The following SOS2 variants were observed in gnomAD, a reference collection of about 807,000 sequenced individuals.
The protein encoded by SOS2 is son of sevenless homolog 2.
In SOS2, 65 loss-of-function variants were observed where a neutral mutation model predicts 148.2. The ratio of observed to expected loss-of-function variants is 0.44; its 90% CI spans 0.36 to 0.54. The LOEUF (loss-of-function observed/expected upper bound fraction) is 0.54. Among genes scored for constraint, SOS2 ranks in the 20% least tolerant of loss-of-function variants. SOS2 has a pLI of 0.00. For synonymous variants in SOS2, 539 were observed against 537.1 expected (o/e 1.00, Z -0.05); for missense variants, 1,341 against 1,590.2 (o/e 0.84, Z 2.67).
At chr14:50,146,544 G>A (rs190719377) in intron 14 of SOS2, among the ~76,000 whole-genome samples, 2 of 152,266 alleles carry the variant, frequency 1.3e-5, no homozygotes, top group African/African-American at 2.4e-5. Flanking sequence ...TACTTGGGAG[G>A]CTGAGGCAGG....
At chr14:50,148,384 T>G (rs1338301066) in intron 14 of SOS2, among the ~76,000 whole-genome samples, 1 of 140,316 alleles carries the variant, frequency 7.1e-6, no homozygotes, top group Admixed American at 7.8e-5. Context: ...CACTCCAGCC[T>G]GGGTGACAGA....
chr14:50,177,143 C>T (rs1885548245), intron 7 of SOS2, among the ~76,000 whole-genome samples: 1 of 151,988 alleles, frequency 6.6e-6, no homozygotes, highest in Non-Finnish European at 1.5e-5. Context: ...TATGGTGAAA[C>T]TCTGTCTCTA....
At chr14:50,223,838 G>A (rs111258676) in intron 1 of SOS2, among the ~76,000 whole-genome samples, 4 of 152,186 alleles carry the variant, frequency 2.6e-5, no homozygotes, top group African/African-American at 9.6e-5. Context: ...GGGTGACAGA[G>A]TGCGACCCTG....
intron 5 of SOS2, 65 bp from the exon 6 acceptor site, chr14:50,182,671 A>G: frequency 7.6e-7 from 1 of 1,319,172 alleles, no homozygotes; most frequent in South Asian, 1.2e-5. Context: ...ATTACTAAAT[A>G]TAAAGAGCAA....
chr14:50,169,934 A>T (rs982434333), intron 8 of SOS2, among the ~76,000 whole-genome samples: 1 of 151,664 alleles, frequency 6.6e-6, no homozygotes, highest in Non-Finnish European at 1.5e-5. Flanking sequence ...TTATTTATTA[A>T]TTTACTTTTA....
chr14:50,182,531 T>C lies in SOS2; in HGVS notation c.790A>G (p.Thr264Ala). ...TVKLLGLIED[T>A]VEMTDESSPH... is the part of the protein sequence containing the mutation. ...CTGCTTTCATCAGTCATTTCAACTGTGTCTTCAATCAAACCTAAAAGTTTC... is the reference window on the plus strand; with the variant it reads ...CTGCTTTCATCAGTCATTTCAACTGCGTCTTCAATCAAACCTAAAAGTTTC... The change falls in exon 6 of 23, where the codon ACA becomes GCA. Residue 264 changes from threonine (T) to alanine (A), a missense_variant. By Grantham distance (58) the Thr-to-Ala change is moderately conservative. Transcript: ENST00000216373. 1.2e-6 allele frequency: 2 copies of C among 1,612,958 alleles called. No individual in the cohort carries two copies. Among genetic ancestry groups the C allele is most frequent in the Middle Eastern group, 1.7e-4 (1 of 6,060 alleles).
At chr14:50,180,725 A>G (rs1459384068) in intron 6 of SOS2, 43 bp from the exon 7 acceptor site, 10 of 1,117,578 alleles carry the variant, frequency 8.9e-6, no homozygotes, top group Admixed American at 2.1e-5. Context: ...TTAAAAGAAT[A>G]TATTTTCTAC....
rs1013557307 is a variant in SOS2 at position 50,145,095 on chromosome 14, G to A, written c.2667+75C>T. ...TACAAAGAATTTAATTAAAAAGACA[G>A]ATGATAGATGAAATTTCTTTTATGC... On this transcript the variant is annotated intron_variant, in intron 16 of 22. Transcript: ENST00000216373. 36 of 738,580 alleles carry A rather than the reference G, an allele frequency of 4.9e-5. 1 individual carries two copies. In the Admixed American group the frequency reaches 9.2e-4, roughly 19 times the overall value. The allele number at this position is 738,580 out of a possible 1,614,324, so 45.8% of individuals were successfully genotyped here.
intron 19 of SOS2, among the ~76,000 whole-genome samples, chr14:50,132,847 C>A (rs955262463): frequency 6.6e-6 from 1 of 152,122 alleles, no homozygotes; most frequent in Admixed American, 6.5e-5. Context: ...CCAAGGAGAC[C>A]TTCTCCACCA....
Position 50,215,564 on chromosome 14 carries a change from G to GT in SOS2, c.88-11156dup, listed in dbSNP as rs1421447002. 3.4e-6 allele frequency: 3 copies of GT among 890,900 alleles called. No individual in the cohort carries two copies. The Admixed American group carries it at 1.3e-4, about 38-fold the overall frequency. 55.2% of individuals were successfully genotyped at this position (890,900 alleles called of 1,614,324 possible). ...AACAGTAGATTAACAAGTCAGACCTGTATTTTAGTTACACCATATTTTCAA... is the reference window on the plus strand; with the variant it reads ...AACAGTAGATTAACAAGTCAGACCTGTTATTTTAGTTACACCATATTTTCAA... On this transcript the variant is annotated intron_variant, in intron 1 of 22. Transcript: ENST00000216373.
intron 1 of SOS2, among the ~76,000 whole-genome samples, chr14:50,217,598 T>A (rs1432275400): frequency 2.0e-5 from 3 of 152,008 alleles, no homozygotes; most frequent in African/African-American, 7.2e-5. Context: ...TAACCCTGGG[T>A]TAGGCAAAGA....
At chr14:50,158,794 G>A (rs1265641733) in intron 10 of SOS2, 148 bp from the exon 11 acceptor site, 1 of 603,048 alleles carries the variant, frequency 1.7e-6, no homozygotes, top group Non-Finnish European at 3.0e-6. Context: ...GGTACTGGCA[G>A]GATACCATGG....
chr14:50,213,103 A>G (rs566052656), intron 1 of SOS2, among the ~76,000 whole-genome samples: 62 of 152,350 alleles, frequency 4.1e-4, no homozygotes, highest in African/African-American at 1.4e-3. Context: ...ATAGAGAAGA[A>G]AGGTCAAAGG....
At chr14:50,195,458 T>C (rs1439864597) in intron 4 of SOS2, among the ~76,000 whole-genome samples, 1 of 152,062 alleles carries the variant, frequency 6.6e-6, no homozygotes, top group Non-Finnish European at 1.5e-5. Context: ...AAGGAATGAC[T>C]TATTAAAAAA....
At position 50,188,611 on chromosome 14, in the gene SOS2, A is replaced by G. The variant is rs766470992; in HGVS notation, c.600T>C (p.Tyr200=). ...EPSSSGELNY[Y]DLVRTEIAEE... Reference sequence around the variant, plus strand: ...CTGCGATTTCAGTTCTGACAAGATCATAGTAGTTTAATTCACCAGAAGAAC... The same window carrying G: ...CTGCGATTTCAGTTCTGACAAGATCGTAGTAGTTTAATTCACCAGAAGAAC... The change falls in exon 5 of 23, where the codon TAT becomes TAC. Residue 200 remains tyrosine (Y), a synonymous_variant. Transcript: ENST00000216373. 6.8e-6 allele frequency: 11 copies of G among 1,609,906 alleles called. No homozygotes were observed. The highest frequency in any genetic ancestry group is 4.4e-5 in the South Asian group (4 of 90,732).
rs563901474 is a variant in SOS2 at position 50,229,626 on chromosome 14, T to C, written c.87+1571A>G. 9.2e-5 allele frequency among the ~76,000 whole-genome samples: 14 copies of C among 152,126 alleles called. No homozygotes were observed. The South Asian group carries it at 1.9e-3, about 20-fold the overall frequency. ...AAGTTCAAGACCAGCCTGGGCAACA[T>C]AGCATAACCCTGTCTCTATTTGAAG... is the stretch of plus-strand genomic sequence containing the variant. On this transcript the variant is annotated intron_variant, in intron 1 of 22. Transcript: ENST00000216373.
intron 1 of SOS2, among the ~76,000 whole-genome samples, chr14:50,227,266 A>G (rs1173400220): frequency 1.3e-5 from 1 of 74,726 alleles, no homozygotes; most frequent in Non-Finnish European, 2.5e-5. Context: ...TTTTTTTGAG[A>G]CAGAGTCTCG....
intron 7 of SOS2, among the ~76,000 whole-genome samples, chr14:50,178,522 G>C (rs547833361): frequency 6.6e-6 from 1 of 151,698 alleles, no homozygotes; most frequent in African/African-American, 2.4e-5. Context: ...TGAGTGCAGT[G>C]TTGCAATCTC....
Position 50,201,061 on chromosome 14 carries a change from A to T in SOS2, c.237T>A (p.Pro79=), listed in dbSNP as rs1566477489. ...DVEERVQKTF[P]HPIDKWAIAD... ...CAATGGCCCATTTATCAATTGGGTG[A>T]GGAAAGGTCTTCTGAACTCGCTCCT... The change falls in exon 3 of 23, where the codon CCT becomes CCA. Residue 79 remains proline, a synonymous_variant. Transcript: ENST00000216373. 3 of 1,613,794 alleles carry T rather than the reference A, an allele frequency of 1.9e-6. No individual in the cohort carries two copies. The highest frequency in any genetic ancestry group is 1.7e-6 in the Non-Finnish European group (2 of 1,179,900).
Sources: gnomAD v4.1 joint callset for allele counts (sites outside exome capture counted in the v4.1 genomes callset) on GRCh38, gnomAD v4.1.1 for gene constraint, MANE v1.5 for transcripts, NCBI Gene and HGNC (gene_info 2026-07-23, HGNC 2026-07-21) for gene names.